Variants in AK8 observed in about 807,000 individuals in gnomAD.
The protein encoded by AK8 is ATP-AMP transphosphorylase 8.
Under a neutral mutation model 54.6 loss-of-function variants are expected in AK8, and 44 were observed. The ratio of observed to expected loss-of-function variants is 0.81; its 90% CI spans 0.63 to 1.04. The LOEUF (loss-of-function observed/expected upper bound fraction) is 1.04. AK8 is among the 50% of genes least tolerant of loss of function. The pLI, the probability that AK8 is intolerant of heterozygous loss-of-function variation, is 0.00. For synonymous variants in AK8, 239 were observed against 245.6 expected (o/e 0.97, Z 0.25); for missense variants, 555 against 613.6 (o/e 0.90, Z 1.01).
At chr9:132,751,487 G>A (rs991876617) in intron 11 of AK8, among the ~76,000 whole-genome samples, 3 of 150,072 alleles carry the variant, frequency 2.0e-5, no homozygotes, top group African/African-American at 7.3e-5. Context: ...GGTGGTTGCA[G>A]TGAGCCGAGA....
intron 10 of AK8, among the ~76,000 whole-genome samples, chr9:132,797,425 A>C (rs985279634): frequency 6.6e-6 from 1 of 152,224 alleles, no homozygotes; most frequent in African/African-American, 2.4e-5. Flanking sequence ...GCACTGAATC[A>C]GGTCCTGCGG....
chr9:132,867,039 C>T (rs2131423078), intron 2 of AK8, 86 bp from the exon 3 acceptor site: 2 of 1,305,546 alleles, frequency 1.5e-6, no homozygotes, highest in Non-Finnish European at 2.2e-6. Context: ...ACTTATTTCT[C>T]CCTCCCTAGA....
intron 4 of AK8, among the ~76,000 whole-genome samples, chr9:132,862,549 G>A (rs949366961): frequency 5.3e-5 from 8 of 151,930 alleles, no homozygotes; most frequent in Non-Finnish European, 7.4e-5. Context: ...GGCTGGTCTC[G>A]AACTCCTGAC....
At chr9:132,857,772 A>T (rs1843232393) in intron 4 of AK8, among the ~76,000 whole-genome samples, 1 of 152,206 alleles carries the variant, frequency 6.6e-6, no homozygotes, top group South Asian at 2.1e-4. Flanking sequence ...GGTGGGGCAC[A>T]GCACCCCCTG....
At position 132,791,002 on chromosome 9, in the gene AK8, T is replaced by C. The variant is rs116728766; in HGVS notation, c.1121+1632A>G. ...AATGCGAGACCCAAGGAAGTGTTGA[T>C]ATTTTCACTAGAAGCAAAGACAGAA... On this transcript the variant is annotated intron_variant, in intron 11 of 12. Transcript: ENST00000298545. This position sits in a 1 kb window ranked among gnomAD's most constrained non-coding sequence, Gnocchi z 4.0. Among the ~76,000 whole-genome samples, 3,716 of 152,296 alleles carry C rather than the reference T, an allele frequency of 0.024. 150 individuals carry two copies. The highest frequency in any genetic ancestry group is 0.085 in the African/African-American group (3,525 of 41,542).
chr9:132,827,168 G>A (rs1841909025), intron 7 of AK8, 114 bp from the exon 8 acceptor site: 3 of 1,086,976 alleles, frequency 2.8e-6, no homozygotes, highest in African/African-American at 1.6e-5. Flanking sequence ...CATTCCTGGG[G>A]TGTGGCTGAC....
chr9:132,878,593 C>T (rs1481290361), upstream of AK8: 2 of 1,098,956 alleles, frequency 1.8e-6, no homozygotes, highest in African/African-American at 1.6e-5. The surrounding 1 kb of genome is among the most constrained non-coding windows in gnomAD (Gnocchi z 4.7). Context: ...GGAGGCAGAA[C>T]CTGCTTCTGG....
Position 132,878,220 on chromosome 9 carries a change from G to C in AK8, c.36C>G (p.Pro12=). The C allele has an allele frequency of 6.9e-7, 1 of 1,449,730 alleles. No homozygotes were observed. The highest frequency in any genetic ancestry group is 1.5e-5 in the South Asian group (1 of 64,794). 89.8% of individuals were successfully genotyped at this position (1,449,730 alleles called of 1,614,324 possible). A position where few individuals can be genotyped will look rare whatever the true frequency, so the allele number is the denominator to read the frequency against. Residue 12 remains proline, a synonymous_variant, in exon 1 of 13, where the codon CCC becomes CCG. Coordinates refer to ENST00000298545, the MANE Select transcript of AK8 (RefSeq NM_152572.3). The surrounding 1 kb of genome is among the most constrained non-coding windows in gnomAD (Gnocchi z 4.7). ...DATIAPHRIP[P]EMPQYGEENH... ...TCTCCTCCCCGTACTGGGGCATCTC[G>C]GGGGGGATACGGTGCGGGGCGATAG...
intron 2 of AK8, among the ~76,000 whole-genome samples, chr9:132,868,705 T>C (rs1194372273): frequency 6.6e-6 from 1 of 152,166 alleles, no homozygotes; most frequent in Non-Finnish European, 1.5e-5. Context: ...ATCACCCCCA[T>C]GGCGGCCAGA....
At chr9:132,798,303 G>A (rs111440728) in intron 10 of AK8, among the ~76,000 whole-genome samples, 2,748 of 152,298 alleles carry the variant, frequency 0.018, 93 homozygotes, top group African/African-American at 0.063. Context: ...CTGTTTTGCT[G>A]TGGCTTGTTT....
At chr9:132,805,747 C>T (rs981493480) in intron 10 of AK8, among the ~76,000 whole-genome samples, 12 of 152,084 alleles carry the variant, frequency 7.9e-5, no homozygotes, top group South Asian at 2.1e-4. Context: ...ATGCAAACAA[C>T]GCTTTTACCC....
In AK8 at chr9:132,874,181, C is replaced by T. The variant is rs539184130; in HGVS notation, c.169+934G>A. 5.3e-5 allele frequency among the ~76,000 whole-genome samples: 8 copies of T among 152,346 alleles called. No individual in the cohort carries two copies. In the East Asian group the frequency reaches 5.8e-4, roughly 11 times the overall value. The stretch of plus-strand genomic sequence containing the variant: ...GCCCTTTGTGGGGTCTCTCTCTGTA[C>T]CTGCCTGCCTAGGTCCATGCAATGG... On this transcript the variant is annotated intron_variant, in intron 2 of 12. Coordinates refer to ENST00000298545, the MANE Select transcript of AK8 (RefSeq NM_152572.3).
intron 1 of AK8, among the ~76,000 whole-genome samples, chr9:132,876,473 G>A (rs1047157174): frequency 1.3e-5 from 2 of 152,130 alleles, no homozygotes; most frequent in African/African-American, 2.4e-5. Flanking sequence ...GTGCAGTAGC[G>A]GTTATGCAAA....
intron 11 of AK8, among the ~76,000 whole-genome samples, chr9:132,754,095 C>T (rs1195813512): frequency 6.6e-6 from 1 of 152,144 alleles, no homozygotes; most frequent in African/African-American, 2.4e-5. Flanking sequence ...CCACTGAGGT[C>T]AGCAGAAACT....
At chr9:132,806,128 A>G (rs200250033) in intron 10 of AK8, among the ~76,000 whole-genome samples, 1 of 133,644 alleles carries the variant, frequency 7.5e-6, no homozygotes, top group South Asian at 2.5e-4. Context: ...GTGTGTGTGT[A>G]GAAAAATGAA....
chr9:132,804,433 G>T (rs887335870), intron 10 of AK8, among the ~76,000 whole-genome samples: 2 of 152,150 alleles, frequency 1.3e-5, no homozygotes, highest in African/African-American at 4.8e-5. Context: ...ACCAAAGGCT[G>T]GGGGGAGGTC....
intron 10 of AK8, among the ~76,000 whole-genome samples, chr9:132,800,859 C>T (rs368647611): frequency 1.1e-3 from 165 of 151,398 alleles, no homozygotes; most frequent in African/African-American, 3.9e-3. Flanking sequence ...GGTGCCCACA[C>T]GGCATTGACA....
intron 11 of AK8, among the ~76,000 whole-genome samples, chr9:132,787,356 C>T (rs995803465): frequency 3.6e-4 from 54 of 151,906 alleles, no homozygotes; most frequent in Non-Finnish European, 7.4e-5. Context: ...ACCCTGGAGA[C>T]AAAAGGAAGA....
intron 11 of AK8, among the ~76,000 whole-genome samples, chr9:132,772,160 C>T (rs1590222693): frequency 6.6e-6 from 1 of 152,188 alleles, no homozygotes; most frequent in Non-Finnish European, 1.5e-5. Flanking sequence ...CCCCAGAATG[C>T]TCCTGCCACC....
Sources: gnomAD v4.1 joint callset for allele counts (sites outside exome capture counted in the v4.1 genomes callset) on GRCh38, gnomAD v4.1.1 for gene constraint, Gnocchi (gnomAD v3.1) non-coding constraint, MANE v1.5 for transcripts, NCBI Gene and HGNC (gene_info 2026-07-23, HGNC 2026-07-21) for gene names.